ELMO1: variants seen among roughly 807,000 people sequenced by gnomAD.
ELMO1 encodes the protein engulfment and cell motility protein 1.
A neutral mutation model predicts 98.9 loss-of-function variants in ELMO1; 26 were observed. The observed-to-expected ratio is 0.26, with a 90% CI of 0.19 to 0.36. The LOEUF is 0.36. Ranked by LOEUF, ELMO1 falls within the 10% of genes least tolerant of loss-of-function variation. The pLI, the probability that ELMO1 is intolerant of heterozygous loss-of-function variation, is 1.00. For missense variants in ELMO1, 627 were observed against 935.2 expected (o/e 0.67, Z 4.30); for synonymous variants, 346 against 346.0 (o/e 1.00, Z 0.00).
intron 1 of ELMO1, among the ~76,000 whole-genome samples, chr7:37,442,108 G>A (rs1042284841): frequency 1.3e-5 from 2 of 152,160 alleles, no homozygotes; most frequent in Middle Eastern, 3.2e-3. Context: ...TGTCACAAAC[G>A]ACTAATGTAC....
chr7:37,172,796 A>G (rs151196113), intron 13 of ELMO1, among the ~76,000 whole-genome samples: 5 of 152,352 alleles, frequency 3.3e-5, no homozygotes, highest in African/African-American at 1.2e-4. Flanking sequence ...GAAGCTAAAA[A>G]AAAATTTGTT....
intron 7 of ELMO1, among the ~76,000 whole-genome samples, chr7:37,233,906 A>T (rs1266251438): frequency 6.6e-6 from 1 of 152,192 alleles, no homozygotes; most frequent in East Asian, 1.9e-4. Context: ...GCTGAGATTC[A>T]GTAGGCTATA....
rs184163851 is a variant in ELMO1 at position 37,401,836 on chromosome 7, G to A, written c.-74+46839C>T. On this transcript the variant is annotated intron_variant, in intron 1 of 21. Coordinates refer to ENST00000310758, the MANE Select transcript of ELMO1 (RefSeq NM_014800.11). ...GTGGGCACACAGTCAAGCCATATGAGAGAGACTCCTTCCCTATACCCAAAG... is the reference window on the plus strand; with the variant it reads ...GTGGGCACACAGTCAAGCCATATGAAAGAGACTCCTTCCCTATACCCAAAG... Among the ~76,000 whole-genome samples the A allele has an allele frequency of 3.1e-3, 469 of 152,276 alleles. 3 individuals carry two copies. The highest frequency in any genetic ancestry group is 0.011 in the African/African-American group (447 of 41,538).
intron 18 of ELMO1, among the ~76,000 whole-genome samples, chr7:36,882,872 T>C (rs1804598431): frequency 6.6e-6 from 1 of 152,238 alleles, no homozygotes; most frequent in African/African-American, 2.4e-5. Context: ...GAAACAATGA[T>C]TATGTATTAT....
At chr7:37,022,353 T>A (rs1370778505) in intron 15 of ELMO1, among the ~76,000 whole-genome samples, 1 of 152,182 alleles carries the variant, frequency 6.6e-6, no homozygotes, top group Non-Finnish European at 1.5e-5. Flanking sequence ...CTGGTATCTA[T>A]GATATATAAC....
chr7:36,986,201 G>A (rs759579434), intron 16 of ELMO1: 154 of 985,442 alleles, frequency 1.6e-4, no homozygotes, highest in Non-Finnish European at 1.8e-4. Context: ...CGATTGGCAG[G>A]AGTCGGGGAA....
At chr7:37,208,780 A>G (rs1037784635) in intron 13 of ELMO1, among the ~76,000 whole-genome samples, 1 of 152,194 alleles carries the variant, frequency 6.6e-6, no homozygotes, top group African/African-American at 2.4e-5. Flanking sequence ...ACTCAAAATC[A>G]TTACTAAATA....
chr7:37,124,641 C>T (rs1185406215), intron 14 of ELMO1, among the ~76,000 whole-genome samples: 1 of 152,166 alleles, frequency 6.6e-6, no homozygotes, highest in South Asian at 2.1e-4. Context: ...AAAGAGGATA[C>T]AAACAAATGG....
rs1432024426 is a variant in ELMO1 at position 37,096,765 on chromosome 7, A to G, written c.1192-38T>C. ...AGGGAACAGATTAGAAAGGAAATTC[A>G]ATTGTGGAAAACATCAAGAATATCA... On this transcript the variant is annotated intron_variant, in intron 14 of 21. Transcript: ENST00000310758. The G allele has an allele frequency of 1.9e-6, 3 of 1,559,138 alleles. No individual in the cohort carries two copies. In the African/African-American group the frequency reaches 4.1e-5, roughly 21 times the overall value.
chr7:37,250,440 A>T (rs1795279965), intron 6 of ELMO1, among the ~76,000 whole-genome samples: 1 of 152,224 alleles, frequency 6.6e-6, no homozygotes, highest in Non-Finnish European at 1.5e-5. Flanking sequence ...AAGGCACACT[A>T]CAAATTATTC....
intron 16 of ELMO1, among the ~76,000 whole-genome samples, chr7:36,996,140 C>T (rs1483160361): frequency 2.0e-5 from 3 of 152,136 alleles, no homozygotes; most frequent in Admixed American, 6.5e-5. Context: ...AAAAATATTC[C>T]CTTTCCTTTT....
intron 16 of ELMO1, among the ~76,000 whole-genome samples, chr7:36,906,438 A>T (rs1329745943): frequency 6.6e-6 from 1 of 152,252 alleles, no homozygotes; most frequent in African/African-American, 2.4e-5. Context: ...GAAACAATAC[A>T]TATGTCTTGA....
At chr7:36,916,203 A>T (rs1231110449) in intron 16 of ELMO1, among the ~76,000 whole-genome samples, 1 of 152,196 alleles carries the variant, frequency 6.6e-6, no homozygotes, top group Non-Finnish European at 1.5e-5. Context: ...GGTTTAATTT[A>T]GGTAATTCTT....
At chr7:37,120,284 C>T (rs1785915667) in intron 14 of ELMO1, among the ~76,000 whole-genome samples, 1 of 152,228 alleles carries the variant, frequency 6.6e-6, no homozygotes, top group South Asian at 2.1e-4. Flanking sequence ...GATTGTCGGA[C>T]AGTGGGTGCA....
At chr7:37,394,597 T>C (rs28482033) in intron 1 of ELMO1, among the ~76,000 whole-genome samples, 23,590 of 152,070 alleles carry the variant, frequency 0.16, 2,475 homozygotes, top group African/African-American at 0.29. Flanking sequence ...ACAATGGAAG[T>C]GTCTTCCAGA....
At chr7:37,177,065 A>C (rs1246095621) in intron 13 of ELMO1, among the ~76,000 whole-genome samples, 3 of 152,226 alleles carry the variant, frequency 2.0e-5, no homozygotes, top group Non-Finnish European at 2.9e-5. Flanking sequence ...TGGGAAGAAG[A>C]GTTTCCAGTG....
chr7:37,221,055 C>G (rs1004849196), intron 10 of ELMO1, among the ~76,000 whole-genome samples: 24 of 152,120 alleles, frequency 1.6e-4, no homozygotes, highest in African/African-American at 5.6e-4. Context: ...AGAAGCAGCC[C>G]TATCGATGAT....
At chr7:37,394,429 A>C (rs971487949) in intron 1 of ELMO1, among the ~76,000 whole-genome samples, 8 of 152,238 alleles carry the variant, frequency 5.3e-5, no homozygotes, top group Non-Finnish European at 1.2e-4. Context: ...GCAAGAGCCT[A>C]CACCTGGGCT....
chr7:37,370,484 G>A (rs1386165328), intron 1 of ELMO1, among the ~76,000 whole-genome samples: 4 of 151,942 alleles, frequency 2.6e-5, no homozygotes, highest in Non-Finnish European at 5.9e-5. Flanking sequence ...CTCTTATGAT[G>A]GGGAGAAAAG....
Sources: allele counts gnomAD v4.1 joint callset (sites outside exome capture counted in the v4.1 genomes callset), GRCh38; gene constraint gnomAD v4.1.1; transcripts MANE v1.5; gene names NCBI Gene and HGNC (gene_info 2026-07-23, HGNC 2026-07-21).